The following ENPP2 variants were observed in gnomAD, a reference collection of about 807,000 sequenced individuals.
ENPP2 encodes the protein ectonucleotide pyrophosphatase/phosphodiesterase 2.
Under a neutral mutation model 120.2 loss-of-function variants are expected in ENPP2, and 51 were observed. The ratio of observed to expected loss-of-function variants is 0.42; its 90% confidence interval spans 0.34 to 0.54. ENPP2 has a LOEUF of 0.54. Ranked by LOEUF, ENPP2 falls within the 20% of genes least tolerant of loss-of-function variation. ENPP2 has a pLI of 0.04. For synonymous variants in ENPP2, 365 were observed against 366.4 expected (o/e 1.00, Z 0.04); for missense variants, 920 against 1,066.5 (o/e 0.86, Z 1.91).
chr8:119,594,715 C>T (rs1354673491), intron 11 of ENPP2, among the ~76,000 whole-genome samples: 2 of 152,142 alleles, frequency 1.3e-5, no homozygotes, highest in East Asian at 3.8e-4. Flanking sequence ...TTTTAAGAAA[C>T]ATCTGATCAG....
At chr8:119,602,030 T>G (rs1272205925) in intron 9 of ENPP2, among the ~76,000 whole-genome samples, 1 of 152,230 alleles carries the variant, frequency 6.6e-6, no homozygotes, top group Non-Finnish European at 1.5e-5. Flanking sequence ...ATGATCATAA[T>G]GCGTTATCAT....
rs199954920 is a variant in ENPP2, at chr8:119,564,715, AAACTT to A, written c.2264+103_2264+107del. On this transcript the variant is annotated intron_variant, in intron 23 of 24. Transcript: ENST00000075322. ...ATATATATATATTGAAAAATTCAAA[AAACTT>A]AAGGGGTGTCATCTCTTCTCTAGTA... is the stretch of plus-strand genomic sequence containing the variant. The A allele has an allele frequency of 4.4e-5, 32 of 721,828 alleles. No individual in the cohort carries two copies. In the East Asian group the frequency reaches 1.1e-3, roughly 24 times the overall value. 44.7% of individuals were successfully genotyped at this position (721,828 alleles called of 1,614,324 possible). A position where few individuals can be genotyped will look rare whatever the true frequency, so the allele number is the denominator to read the frequency against.
rs16892735 is a variant in ENPP2 at position 119,557,315 on chromosome 8, T to C, written c.*206A>G. 167 of 501,678 alleles carry C rather than the reference T, an allele frequency of 3.3e-4. No homozygotes were observed. Among genetic ancestry groups the C allele is most frequent in the African/African-American group, 3.0e-3 (151 of 50,050 alleles). The allele number at this position is 501,678 out of a possible 1,614,324, so 31.1% of individuals were successfully genotyped here. A position where few individuals can be genotyped will look rare whatever the true frequency, so the allele number is the denominator to read the frequency against. ...TCCACTAAAAACTCAAGCTGCAGTA[T>C]TTATTACAAGCTCTACTCAGAACAC... On this transcript the variant is annotated 3_prime_UTR_variant, in exon 25 of 25. Transcript: ENST00000075322.
chr8:119,611,088 G>A (rs1815076419), intron 8 of ENPP2, among the ~76,000 whole-genome samples: 1 of 152,136 alleles, frequency 6.6e-6, no homozygotes, highest in Non-Finnish European at 1.5e-5. Context: ...TGTATCTTGT[G>A]ATGTGCTATT....
intron 5 of ENPP2, among the ~76,000 whole-genome samples, chr8:119,618,842 T>A (rs1434918145): frequency 6.6e-6 from 1 of 152,088 alleles, no homozygotes; most frequent in Non-Finnish European, 1.5e-5. Flanking sequence ...AATTACTTAT[T>A]GGATAACACA....
chr8:119,616,273 C>A lies in ENPP2; in HGVS notation c.769G>T (p.Gly257Cys), dbSNP rs566447126. Residue 257 changes from glycine to cysteine, a missense_variant, in exon 8 of 25, where the codon GGT (glycine) becomes TGT (cysteine). By Grantham distance (159) the Gly-to-Cys change is radical. Coordinates refer to ENST00000075322, the MANE Select transcript of ENPP2 (RefSeq NM_001040092.3). ...ATAAATGCAAAACTTACCGGTTGAC[C>A]TCCCCACCATCTATGATTAAATTTC... is the stretch of plus-strand genomic sequence containing the variant. Reference protein sequence around the residue: ...REKFNHRWWGGQPLWITATKQ... With the variant: ...REKFNHRWWGCQPLWITATKQ... 3.1e-6 allele frequency: 5 copies of A among 1,601,054 alleles called. No homozygotes were observed. In the South Asian group the frequency reaches 5.6e-5, roughly 18 times the overall value.
chr8:119,617,875 G>T (rs1422716548), intron 5 of ENPP2, among the ~76,000 whole-genome samples: 3 of 152,086 alleles, frequency 2.0e-5, no homozygotes, highest in African/African-American at 4.8e-5. Flanking sequence ...CTTGAACAGG[G>T]GAGACAGATG....
chr8:119,631,953 G>C (rs887531895), intron 2 of ENPP2, among the ~76,000 whole-genome samples: 1 of 152,134 alleles, frequency 6.6e-6, no homozygotes, highest in Non-Finnish European at 1.5e-5. Flanking sequence ...GAAGCAGAAG[G>C]AGAACGATGT....
At chr8:119,658,382 T>C (rs1817827389) in intron 1 of ENPP2, among the ~76,000 whole-genome samples, 1 of 152,188 alleles carries the variant, frequency 6.6e-6, no homozygotes, top group South Asian at 2.1e-4. Flanking sequence ...GGGATCCTCC[T>C]GCCTCGGCCT....
rs7007883 is a variant in ENPP2, at chr8:119,588,505, G to A, written c.1208-1430C>T. On this transcript the variant is annotated intron_variant, in intron 13 of 24. Coordinates refer to ENST00000075322, the MANE Select transcript of ENPP2 (RefSeq NM_001040092.3). ...GATGGAGCCACTGCACTCCAGCCTG[G>A]GCGACAGAACAAAACTCCGCCTCAA... Among the ~76,000 whole-genome samples the A allele has an allele frequency of 2.7e-3, 390 of 144,916 alleles. 4 individuals carry two copies. Among genetic ancestry groups the A allele is most frequent in the African/African-American group, 9.7e-3 (376 of 38,812 alleles).
chr8:119,591,846 A>C (rs1375156582), intron 12 of ENPP2, among the ~76,000 whole-genome samples: 1 of 152,210 alleles, frequency 6.6e-6, no homozygotes, highest in African/African-American at 2.4e-5. Flanking sequence ...GTTTTAGTAC[A>C]ATGTTAGCGT....
chr8:119,587,085 G>A lies in ENPP2; in HGVS notation c.1208-10C>T. ...ATGGCTTTGGGGTCATCTGTTCAAAGAGAGGAGAAAGATTTCAAAAGAAAT... is the reference window on the plus strand; with the variant it reads ...ATGGCTTTGGGGTCATCTGTTCAAAAAGAGGAGAAAGATTTCAAAAGAAAT... On this transcript the variant is annotated splice_polypyrimidine_tract_variant and intron_variant, in intron 13 of 24. Transcript: ENST00000075322. The A allele has an allele frequency of 6.2e-7, 1 of 1,604,338 alleles. No homozygotes were observed. The highest frequency in any genetic ancestry group is 8.5e-7 in the Non-Finnish European group (1 of 1,175,248).
chr8:119,637,710 T>C (rs754578654), intron 2 of ENPP2, among the ~76,000 whole-genome samples: 5 of 152,222 alleles, frequency 3.3e-5, no homozygotes, highest in Non-Finnish European at 5.9e-5. Context: ...AACTCATTGC[T>C]TAAGACCTGG....
chr8:119,576,706 C>A (rs1223285387), intron 19 of ENPP2, among the ~76,000 whole-genome samples: 4 of 152,028 alleles, frequency 2.6e-5, no homozygotes, highest in Admixed American at 1.3e-4. Context: ...TTTAAATTTT[C>A]TTTTCATTCA....
chr8:119,602,917 C>T (rs1252731388), intron 9 of ENPP2, among the ~76,000 whole-genome samples: 1 of 152,166 alleles, frequency 6.6e-6, no homozygotes, highest in Non-Finnish European at 1.5e-5. Context: ...CAAGCCGGGG[C>T]TCTCATCAAG....
intron 2 of ENPP2, among the ~76,000 whole-genome samples, chr8:119,634,678 T>C (rs1816893480): frequency 6.6e-6 from 1 of 152,212 alleles, no homozygotes; most frequent in Non-Finnish European, 1.5e-5. Context: ...AACTACAGTA[T>C]TTTTTTCATT....
chr8:119,587,462 G>T (rs1385658510), intron 13 of ENPP2, among the ~76,000 whole-genome samples: 1 of 152,160 alleles, frequency 6.6e-6, no homozygotes, highest in Non-Finnish European at 1.5e-5. Context: ...GGCTTTTAAT[G>T]TAACTTCTTA....
At chr8:119,620,265 A>G (rs1452019609) in intron 4 of ENPP2, among the ~76,000 whole-genome samples, 1 of 152,158 alleles carries the variant, frequency 6.6e-6, no homozygotes, top group East Asian at 1.9e-4. Context: ...TTTAAAAAAA[A>G]TTTTATTTCT....
At chr8:119,646,933 G>C (rs1364790416) in intron 1 of ENPP2, among the ~76,000 whole-genome samples, 1 of 151,118 alleles carries the variant, frequency 6.6e-6, no homozygotes, top group African/African-American at 2.4e-5. Context: ...AGCCTCCCCA[G>C]TTTTGCCCTC....
Sources: gnomAD v4.1 joint callset for allele counts (sites outside exome capture counted in the v4.1 genomes callset) on GRCh38, gnomAD v4.1.1 for gene constraint, MANE v1.5 for transcripts, NCBI Gene and HGNC (gene_info 2026-07-23, HGNC 2026-07-21) for gene names.